Variants in TACR2 observed in about 807,000 individuals in gnomAD.
The protein encoded by TACR2 is substance-K receptor.
A neutral mutation model predicts 28.9 loss-of-function variants in TACR2; 24 were observed. That is an observed-to-expected ratio of 0.83 (90% CI 0.60 to 1.17). TACR2 has a LOEUF of 1.17. Ranked by LOEUF, TACR2 falls within the 50% of genes most tolerant of loss-of-function variation. The probability of loss-of-function intolerance (pLI) is 0.00; values close to 1 mark genes in which losing one functional copy is unlikely to be tolerated. For missense variants in TACR2, 487 were observed against 524.4 expected, an observed-to-expected ratio of 0.93 and a Z score of 0.70; for synonymous variants, 222 against 212.6, an observed-to-expected ratio of 1.04 and a Z score of -0.38.
intron 3 of TACR2, among the ~76,000 whole-genome samples, chr10:69,408,467 T>G (rs1189784700): frequency 6.9e-6 from 1 of 145,368 alleles, no homozygotes; most frequent in Non-Finnish European, 1.5e-5. Context: ...TTTTTTTGTC[T>G]TTTTTTTTTC....
chr10:69,405,979 C>T (rs1406933702), intron 4 of TACR2, among the ~76,000 whole-genome samples: 1 of 152,206 alleles, frequency 6.6e-6, no homozygotes, highest in African/African-American at 2.4e-5. Context: ...AGCTCAGTTT[C>T]CCCATCTGTA....
chr10:69,409,897 A>G lies in TACR2; in HGVS notation c.588-822T>C, dbSNP rs80035315. 1.4e-4 allele frequency among the ~76,000 whole-genome samples: 2 copies of G among 14,340 alleles called. 1 individual carries two copies. The highest frequency in any genetic ancestry group is 1.6e-3 in the Admixed American group (2 of 1,240). 9.4% of individuals were successfully genotyped at this position (14,340 alleles called of 152,430 possible). A position where few individuals can be genotyped will look rare whatever the true frequency, so the allele number is the denominator to read the frequency against. ...TATATATATACATATATACATATAT[A>G]TATATACATATATATATATATATAT... On this transcript the variant is annotated intron_variant, in intron 2 of 4. Transcript: ENST00000373306.
Position 69,415,085 on chromosome 10 carries a change from C to T in TACR2, c.447G>A (p.Lys149=), listed in dbSNP as rs200605647. 3.1e-6 allele frequency: 5 copies of T among 1,613,296 alleles called. No individual in the cohort carries two copies. The highest frequency in any genetic ancestry group is 3.3e-5 in the Admixed American group (2 of 60,006). The part of the protein sequence containing the change: ...FQPRLSAPST[K]AVIAGIWLVA... ...CCAGCCAGATGCCAGCAATAACCGC[C>T]TTGGTGCTGGGAGCTGAAAGCCGAG... Residue 149 remains lysine, a synonymous_variant, in exon 2 of 5, where the codon AAG becomes AAA. Transcript: ENST00000373306.
At chr10:69,411,019 T>C (rs1338534000) in intron 2 of TACR2, among the ~76,000 whole-genome samples, 1 of 152,218 alleles carries the variant, frequency 6.6e-6, no homozygotes, top group African/African-American at 2.4e-5. Flanking sequence ...TGCCTCCTTC[T>C]TTGGGTCTGG....
At chr10:69,414,089 G>A (rs1252223618) in intron 2 of TACR2, among the ~76,000 whole-genome samples, 5 of 152,202 alleles carry the variant, frequency 3.3e-5, no homozygotes, top group African/African-American at 4.8e-5. Context: ...ATGGCTCAGT[G>A]CCTGGGGACC....
At chr10:69,409,846 C>T (rs1053416812) in intron 2 of TACR2, among the ~76,000 whole-genome samples, 5 of 118,744 alleles carry the variant, frequency 4.2e-5, no homozygotes, top group South Asian at 5.2e-4. Flanking sequence ...TATACGTATA[C>T]GTATATGTAT....
rs1451732760 is a variant in TACR2, at chr10:69,405,171, C to A, written c.939-87G>T. 24 of 1,120,698 alleles carry A rather than the reference C, an allele frequency of 2.1e-5. 1 individual carries two copies. The Admixed American group carries it at 5.6e-4, about 26-fold the overall frequency. 69.4% of individuals were successfully genotyped at this position (1,120,698 alleles called of 1,614,324 possible). On this transcript the variant is annotated intron_variant, in intron 4 of 4. Transcript: ENST00000373306. ...GCCCCCACCCCCAGGAAACTGACTC[C>A]CTTCCAGAGGAAAGTCACTGTCTCT...
intron 2 of TACR2, among the ~76,000 whole-genome samples, chr10:69,410,512 C>G (rs1840560434): frequency 7.1e-6 from 1 of 141,278 alleles, no homozygotes. Context: ...TAGAGTGAGA[C>G]CCTGTCAAAA....
At chr10:69,410,098 C>A (rs1258484564) in intron 2 of TACR2, among the ~76,000 whole-genome samples, 1 of 151,724 alleles carries the variant, frequency 6.6e-6, no homozygotes, top group African/African-American at 2.4e-5. Flanking sequence ...CTGGGAACCT[C>A]GTTTGTGTCA....
intron 4 of TACR2, 83 bp from the exon 5 acceptor site, chr10:69,405,167 A>T: frequency 8.6e-7 from 1 of 1,162,700 alleles, no homozygotes; most frequent in East Asian, 2.5e-5. Flanking sequence ...CAGGAAACTG[A>T]CTCCCTTCCA....
chr10:69,406,563 C>T (rs994863037), intron 4 of TACR2, among the ~76,000 whole-genome samples: 5 of 152,204 alleles, frequency 3.3e-5, no homozygotes, highest in African/African-American at 1.2e-4. Context: ...GAGCAGCCTG[C>T]CCCACCCCTG....
rs200509825 is a variant in TACR2, at chr10:69,405,015, G to A, written c.1008C>T (p.Leu336=). 1.1e-5 allele frequency: 18 copies of A among 1,614,012 alleles called. No homozygotes were observed. Among genetic ancestry groups the A allele is most frequent in the Non-Finnish European group, 1.5e-5 (18 of 1,180,044 alleles). ...PWVTPTKEDK[L]ELTPTTSLST... is the part of the protein sequence containing the mutation. ...AGAGGGAGGTCGTGGGAGTCAGCTC[G>A]AGCTTATCTTCCTTGGTGGGTGTGA... is the stretch of plus-strand genomic sequence containing the variant. The change falls in exon 5 of 5, where the codon CTC becomes CTT. Residue 336 remains leucine, a synonymous_variant. Transcript: ENST00000373306.
In TACR2 at chr10:69,408,949, G is replaced by C. The variant is rs750376493; in HGVS notation, c.714C>G (p.Asn238Lys). The change falls in exon 3 of 5, where the codon AAC becomes AAG. Residue 238 changes from asparagine to lysine, a missense_variant. Coordinates refer to ENST00000373306, the MANE Select transcript of TACR2 (RefSeq NM_001057.3). ...AVPGHQAHGA[N>K]LRHLQAMKKF... ...TCTTCATGGCCTGCAGGTGGCGCAG[G>C]TTGGCACCGTGCGCCTGATGTCCGG... 2.5e-6 allele frequency: 4 copies of C among 1,589,606 alleles called. No individual in the cohort carries two copies. Among genetic ancestry groups the C allele is most frequent in the East Asian group, 2.4e-5 (1 of 41,442 alleles).
rs141133389 is a variant in TACR2, at chr10:69,414,819, CAT to C, written c.587+124_587+125del. On this transcript the variant is annotated intron_variant, in intron 2 of 4. Transcript: ENST00000373306. Reference sequence around the variant, plus strand: ...TCACACAATCCCGTGTACACTCACTCATGTGTACACCCATGCATGCACACCAC... The same window carrying C: ...TCACACAATCCCGTGTACACTCACTCGTGTACACCCATGCATGCACACCAC... 9,211 of 993,082 alleles carry C rather than the reference CAT, an allele frequency of 9.3e-3. 186 individuals carry two copies. Among genetic ancestry groups the C allele is most frequent in the African/African-American group, 0.053 (3,283 of 62,224 alleles). 61.5% of individuals were successfully genotyped at this position (993,082 alleles called of 1,614,324 possible). A position where few individuals can be genotyped will look rare whatever the true frequency, so the allele number is the denominator to read the frequency against.
At chr10:69,409,834 T>TGTATAC in intron 2 of TACR2, among the ~76,000 whole-genome samples, 2 of 144,576 alleles carry the variant, frequency 1.4e-5, no homozygotes, top group Admixed American at 7.0e-5. Flanking sequence ...TAGCCATATA[T>TGTATAC]GTATACGTAT....
At chr10:69,415,728 C>T (rs12250793) in intron 1 of TACR2, among the ~76,000 whole-genome samples, 3,751 of 152,324 alleles carry the variant, frequency 0.025, 123 homozygotes, top group African/African-American at 0.072. Context: ...AAGTCCTTCT[C>T]TGTGTCTAAC....
rs1840535597 is a variant in TACR2 at position 69,409,060 on chromosome 10, C to T, written c.603G>A (p.Val201=). ...GCGGCAGGAAGTAGATGAGGGCGAT[C>T]ACCACGAGGTGGTACCTGCAGGGAG... The part of the protein sequence containing the change: ...GKTLLLYHLV[V]IALIYFLPLA... The change falls in exon 3 of 5, where the codon GTG becomes GTA. Residue 201 remains valine (V), a synonymous_variant. Transcript: ENST00000373306. 1 of 1,604,578 alleles carries T rather than the reference C, an allele frequency of 6.2e-7. No homozygotes were observed. Among genetic ancestry groups the T allele is most frequent in the East Asian group, 2.3e-5 (1 of 43,504 alleles).
Position 69,407,107 on chromosome 10 carries a change from G to A in TACR2, c.915C>T (p.Ile305=), listed in dbSNP as rs985773212. ...ACCTGTGGTTGAGACAGCAGTAGAT[G>A]ATGGGATTGTACATGGTAGAGCTCA... ...LAMSSTMYNP[I]IYCCLNHRFR... The change falls in exon 4 of 5, where the codon ATC becomes ATT. Residue 305 remains isoleucine (I), a synonymous_variant. Transcript: ENST00000373306. 3 of 1,613,870 alleles carry A rather than the reference G, an allele frequency of 1.9e-6. No homozygotes were observed. Among genetic ancestry groups the A allele is most frequent in the East Asian group, 4.5e-5 (2 of 44,862 alleles).
chr10:69,407,116 G>GT lies in TACR2; in HGVS notation c.905dup (p.Tyr302Ter). 1 of 1,614,016 alleles carries GT rather than the reference G, an allele frequency of 6.2e-7. No individual in the cohort carries two copies. Among genetic ancestry groups the GT allele is most frequent in the Non-Finnish European group, 8.5e-7 (1 of 1,179,972 alleles). The change falls in exon 4 of 5, where the codon TAC (tyrosine) becomes TAAC (stop). Residue 302 changes from tyrosine to a stop codon, truncating the protein, a stop_gained and frameshift_variant. Transcript: ENST00000373306. LOFTEE classifies it high-confidence loss of function. ...LFWLAMSSTM[Y>*]NPIIYCCLNH... Reference sequence around the variant, plus strand: ...TGAGACAGCAGTAGATGATGGGATTGTACATGGTAGAGCTCATGGCCAACC... The same window carrying GT: ...TGAGACAGCAGTAGATGATGGGATTGTTACATGGTAGAGCTCATGGCCAACC...
Sources: allele counts gnomAD v4.1 joint callset (sites outside exome capture counted in the v4.1 genomes callset), GRCh38; gene constraint gnomAD v4.1.1; transcripts MANE v1.5; gene names NCBI Gene and HGNC (gene_info 2026-07-23, HGNC 2026-07-21).